Variants in DLG2 observed in about 807,000 individuals in gnomAD.
The protein encoded by DLG2 is disks large homolog 2.
In DLG2, 45 loss-of-function variants were observed where a neutral mutation model predicts 132.5. The ratio of observed to expected loss-of-function variants is 0.34; its 90% CI spans 0.27 to 0.44. DLG2 has a LOEUF of 0.44. Among genes scored for constraint, DLG2 ranks in the 20% least tolerant of loss-of-function variants. The pLI is 1.00. For synonymous variants in DLG2, 424 were observed against 419.6 expected (o/e 1.01, Z -0.13); for missense variants, 1,045 against 1,196.9 (o/e 0.87, Z 1.87).
chr11:84,446,918 T>TACACAA (rs1037905896), intron 7 of DLG2, among the ~76,000 whole-genome samples: 3 of 152,186 alleles, frequency 2.0e-5, no homozygotes, highest in African/African-American at 7.2e-5. Context: ...GCCATCATTA[T>TACACAA]ACACAAACAC....
intron 6 of DLG2, among the ~76,000 whole-genome samples, chr11:84,844,127 GTGTGTGTGTATATATA>G (rs1302965383): frequency 7.7e-5 from 2 of 25,962 alleles, no homozygotes; most frequent in African/African-American, 1.2e-4. Context: ...GTGTGTGTGT[GTGTGTGTGTATATATA>G]TATATATATA....
At chr11:83,467,812 C>CAT (rs2091401025) in intron 25 of DLG2, among the ~76,000 whole-genome samples, 1 of 92,544 alleles carries the variant, frequency 1.1e-5, no homozygotes, top group African/African-American at 4.2e-5. Flanking sequence ...TATATATATA[C>CAT]ACACACACAT....
intron 3 of DLG2, among the ~76,000 whole-genome samples, chr11:85,298,071 G>A (rs759163098): frequency 6.6e-5 from 10 of 152,136 alleles, no homozygotes; most frequent in Non-Finnish European, 1.3e-4. Flanking sequence ...GTGAGAGCCT[G>A]AGTTTGGTGA....
intron 6 of DLG2, among the ~76,000 whole-genome samples, chr11:84,946,944 A>T (rs1393078700): frequency 6.6e-6 from 1 of 152,072 alleles, no homozygotes; most frequent in East Asian, 1.9e-4. Context: ...AATTCTCCTT[A>T]TATGTGTGCC....
At chr11:85,095,837 A>G (rs2069639815) in intron 6 of DLG2, among the ~76,000 whole-genome samples, 1 of 152,126 alleles carries the variant, frequency 6.6e-6, no homozygotes, top group Non-Finnish European at 1.5e-5. Context: ...ATTCATCTCC[A>G]TGCCTTGGCA....
intron 15 of DLG2, among the ~76,000 whole-genome samples, chr11:83,906,027 T>C (rs928386056): frequency 1.3e-5 from 2 of 150,524 alleles, no homozygotes; most frequent in African/African-American, 2.4e-5. Context: ...AATTGGAAGA[T>C]TGCTATATCA....
intron 3 of DLG2, among the ~76,000 whole-genome samples, chr11:85,317,854 A>C (rs1206101329): frequency 6.6e-6 from 1 of 151,742 alleles, no homozygotes; most frequent in Non-Finnish European, 1.5e-5. Context: ...AACAATCCCC[A>C]TGACACAATT....
intron 17 of DLG2, among the ~76,000 whole-genome samples, chr11:83,799,657 C>T (rs73515122): frequency 0.041 from 6,240 of 152,128 alleles, 485 homozygotes; most frequent in African/African-American, 0.14. Context: ...GGGAAGGTGT[C>T]AAAAAGCTTT....
chr11:84,566,125 A>AT (rs964830740), intron 6 of DLG2, among the ~76,000 whole-genome samples: 7 of 150,748 alleles, frequency 4.6e-5, no homozygotes, highest in South Asian at 2.1e-4. Context: ...CGCCCAGCTA[A>AT]TTTTTTTTTG....
chr11:83,549,724 T>G (rs2141981419), intron 19 of DLG2, among the ~76,000 whole-genome samples: 1 of 152,326 alleles, frequency 6.6e-6, no homozygotes, highest in Non-Finnish European at 1.5e-5. Flanking sequence ...TGTATTATCT[T>G]CTTAAAAACA....
chr11:85,314,214 C>T (rs2080496720), intron 3 of DLG2, among the ~76,000 whole-genome samples: 1 of 151,858 alleles, frequency 6.6e-6, no homozygotes, highest in East Asian at 1.9e-4. Flanking sequence ...GATAAAAACA[C>T]AAAGTAATTA....
intron 6 of DLG2, among the ~76,000 whole-genome samples, chr11:84,679,080 C>T (rs1384975247): frequency 1.3e-5 from 2 of 151,848 alleles, no homozygotes; most frequent in African/African-American, 4.8e-5. Context: ...TCACCTTAAG[C>T]ATAGCTTAAA....
chr11:85,262,449 A>C (rs1302369822), intron 4 of DLG2, among the ~76,000 whole-genome samples: 1 of 152,158 alleles, frequency 6.6e-6, no homozygotes, highest in Non-Finnish European at 1.5e-5. Flanking sequence ...AGTTTATTGG[A>C]GGTCTGAAGA....
intron 6 of DLG2, among the ~76,000 whole-genome samples, chr11:84,917,376 G>T (rs987533633): frequency 1.3e-5 from 2 of 152,150 alleles, no homozygotes; most frequent in Non-Finnish European, 2.9e-5. Context: ...GATTTGAGAT[G>T]TCTGTAACAT....
intron 19 of DLG2, among the ~76,000 whole-genome samples, chr11:83,591,713 C>T (rs202109864): frequency 0.026 from 2,723 of 104,460 alleles, no homozygotes; most frequent in Non-Finnish European, 0.036. Flanking sequence ...TCCCTGTTTG[C>T]AGATGACATG....
chr11:84,578,981 G>A (rs190753534), intron 6 of DLG2, among the ~76,000 whole-genome samples: 56 of 152,082 alleles, frequency 3.7e-4, no homozygotes, highest in African/African-American at 1.3e-3. Context: ...AAATCTGATG[G>A]GTTTATAAGG....
intron 6 of DLG2, among the ~76,000 whole-genome samples, chr11:84,844,065 T>TTG (rs769383482): frequency 0.028 from 3,251 of 115,172 alleles, 101 homozygotes; most frequent in Non-Finnish European, 0.036. Context: ...ATATATATGT[T>TTG]TGTGTGTGTG....
chr11:83,511,964 A>T (rs1030176582), intron 21 of DLG2, among the ~76,000 whole-genome samples: 2 of 152,144 alleles, frequency 1.3e-5, no homozygotes, highest in South Asian at 4.2e-4. Flanking sequence ...TGGCTATAGT[A>T]AGCATAGGGA....
At chr11:85,088,846 C>A (rs1347526132) in intron 6 of DLG2, among the ~76,000 whole-genome samples, 1 of 152,122 alleles carries the variant, frequency 6.6e-6, no homozygotes, top group Non-Finnish European at 1.5e-5. Context: ...TAAACACTAC[C>A]TCTAATAATA....
Sources: gnomAD v4.1 joint callset for allele counts (sites outside exome capture counted in the v4.1 genomes callset) on GRCh38, gnomAD v4.1.1 for gene constraint, MANE v1.5 for transcripts, NCBI Gene and HGNC (gene_info 2026-07-23, HGNC 2026-07-21) for gene names.